Variants in AGAP1 observed in about 807,000 individuals in gnomAD.
AGAP1 encodes the protein ArfGAP with GTPase domain, ankyrin repeat and PH domain 1.
AGAP1 carries 29 observed loss-of-function variants against 105.3 expected under a neutral mutation model. The ratio of observed to expected loss-of-function variants is 0.28; its 90% CI spans 0.21 to 0.38. The LOEUF (loss-of-function observed/expected upper bound fraction) is 0.38, where lower values mean the gene tolerates loss of function less well. Ranked by LOEUF, AGAP1 falls within the 10% of genes least tolerant of loss-of-function variation. AGAP1 has a pLI of 1.00. For missense variants in AGAP1, 998 were observed against 1,165.1 expected, an observed-to-expected ratio of 0.86 and a Z score of 2.09; for synonymous variants, 509 against 485.9, an observed-to-expected ratio of 1.05 and a Z score of -0.63.
chr2:235,898,350 C>T (rs778243145), intron 10 of AGAP1, among the ~76,000 whole-genome samples: 5 of 151,220 alleles, frequency 3.3e-5, no homozygotes, highest in Middle Eastern at 3.4e-3. Flanking sequence ...CTTTTCCAGA[C>T]GGCATTTTGC....
In AGAP1 at chr2:235,934,157, C is replaced by G. The variant is rs1267838639; in HGVS notation, c.1483+3234C>G. Among the ~76,000 whole-genome samples the G allele has an allele frequency of 6.6e-6, 1 of 152,178 alleles. No individual in the cohort carries two copies. The highest frequency in any genetic ancestry group is 1.5e-5 in the Non-Finnish European group (1 of 68,038). On this transcript the variant is annotated intron_variant, in intron 12 of 17. Transcript: ENST00000304032. The surrounding 1 kb of genome is among the most constrained non-coding windows in gnomAD (Gnocchi z 4.9). ...GGGAACTGCTTAGAAATGTTGATCT[C>G]AGGCCCTGTCTCAGTCCCACTGAAT...
chr2:235,729,434 G>T lies in AGAP1; in HGVS notation c.311-11529G>T, dbSNP rs537763091. Among the ~76,000 whole-genome samples the T allele has an allele frequency of 2.6e-5, 4 of 152,234 alleles. No homozygotes were observed. In the South Asian group the frequency reaches 8.3e-4, roughly 32 times the overall value. On this transcript the variant is annotated intron_variant, in intron 3 of 17. Transcript: ENST00000304032. This position sits in a 1 kb window ranked among gnomAD's most constrained non-coding sequence, Gnocchi z 5.0. ...GCAGGAGGTTCCTGGAAGAACCACT[G>T]GGCCTTGCAGGGTCAGCTCAGCCTG...
chr2:236,085,142 G>T (rs895652465), intron 16 of AGAP1, among the ~76,000 whole-genome samples: 1 of 151,280 alleles, frequency 6.6e-6, no homozygotes, highest in African/African-American at 2.4e-5. Context: ...CGTGAACCCG[G>T]GAGGCGGAGG....
chr2:235,656,714 C>T (rs1363224898), intron 1 of AGAP1, among the ~76,000 whole-genome samples: 6 of 152,206 alleles, frequency 3.9e-5, no homozygotes, highest in East Asian at 1.9e-4. Flanking sequence ...TCCAAGTGTG[C>T]GCTCACCATT....
rs1004625214 is a variant in AGAP1, at chr2:235,551,750, A to G, written c.163+56901A>G. On this transcript the variant is annotated intron_variant, in intron 1 of 17. Transcript: ENST00000304032. The surrounding 1 kb of genome is among the most constrained non-coding windows in gnomAD (Gnocchi z 4.8). ...CTTTAGGGAAAGCAGGACAAACCCT[A>G]AAAGACTTTCTCTGAATGTTACCTT... Among the ~76,000 whole-genome samples the G allele has an allele frequency of 5.3e-5, 8 of 152,192 alleles. No homozygotes were observed. Among genetic ancestry groups the G allele is most frequent in the African/African-American group, 1.4e-4 (6 of 41,444 alleles).
chr2:235,810,994 G>A (rs1958109212), intron 9 of AGAP1, among the ~76,000 whole-genome samples: 1 of 152,104 alleles, frequency 6.6e-6, no homozygotes, highest in Admixed American at 6.6e-5. Context: ...CTTGATTGCA[G>A]TGGGAGTTAG....
At position 236,036,699 on chromosome 2, in the gene AGAP1, A is replaced by G. The variant is rs2057392915; in HGVS notation, c.1784A>G (p.Glu595Gly). Residue 595 changes from glutamate to glycine, a missense_variant, in exon 14 of 18, where the codon GAG becomes GGG. Physicochemically the swap from Glu to Gly is moderately conservative, Grantham distance 98. This residue lies in a region of AGAP1 where 735 missense variants were observed against 833.4 expected (regional missense o/e 0.88). Transcript: ENST00000304032. The surrounding 1 kb of genome is among the most constrained non-coding windows in gnomAD (Gnocchi z 5.7). ...ATCCTGGCCAGCCTGCAGTCGTGCG[A>G]GAGCAGCAAGAACAAGGTGAGGCCC... The part of the protein sequence containing the change: ...SQILASLQSC[E>G]SSKNKSRLTS... 1 of 1,614,210 alleles carries G rather than the reference A, an allele frequency of 6.2e-7. No homozygotes were observed. Among genetic ancestry groups the G allele is most frequent in the South Asian group, 1.1e-5 (1 of 91,082 alleles).
At chr2:235,587,273 T>G (rs1266375900) in intron 1 of AGAP1, among the ~76,000 whole-genome samples, 1 of 152,180 alleles carries the variant, frequency 6.6e-6, no homozygotes, top group Non-Finnish European at 1.5e-5. Context: ...TCCTGTCTTT[T>G]AAGCAGATGG....
At chr2:235,503,335 T>C (rs988366720) in intron 1 of AGAP1, among the ~76,000 whole-genome samples, 1 of 152,174 alleles carries the variant, frequency 6.6e-6, no homozygotes, top group Non-Finnish European at 1.5e-5. Context: ...GTTGTTGTTT[T>C]CGAAGGTCTG....
chr2:235,632,410 T>C (rs535999642), intron 1 of AGAP1, among the ~76,000 whole-genome samples: 22 of 152,256 alleles, frequency 1.4e-4, no homozygotes, highest in African/African-American at 5.3e-4. Context: ...TGCCTGTGTG[T>C]TCCTCCATGG....
chr2:235,670,529 G>T, intron 1 of AGAP1: 1 of 484,174 alleles, frequency 2.1e-6, no homozygotes, highest in Admixed American at 4.3e-5. Context: ...CGTGGAGGGG[G>T]CCCGGGCCGC....
chr2:235,815,557 C>T (rs768409171), intron 9 of AGAP1, among the ~76,000 whole-genome samples: 9 of 152,146 alleles, frequency 5.9e-5, no homozygotes, highest in Non-Finnish European at 1.3e-4. Flanking sequence ...GGGACGGGAG[C>T]TGAGCTCTGT....
intron 9 of AGAP1, among the ~76,000 whole-genome samples, chr2:235,819,307 GT>G (rs1337784968): frequency 1.3e-5 from 2 of 151,622 alleles, no homozygotes; most frequent in South Asian, 2.1e-4. Flanking sequence ...TAGAGATAGG[GT>G]TTTGCCATGT....
intron 6 of AGAP1, among the ~76,000 whole-genome samples, chr2:235,785,625 G>A (rs1403561874): frequency 6.6e-6 from 1 of 151,914 alleles, no homozygotes; most frequent in Non-Finnish European, 1.5e-5. Flanking sequence ...TTCTTTAGCT[G>A]GAATAATTTA....
intron 6 of AGAP1, among the ~76,000 whole-genome samples, chr2:235,772,643 C>T (rs551360304): frequency 1.3e-5 from 2 of 152,324 alleles, no homozygotes; most frequent in Admixed American, 6.5e-5. Flanking sequence ...CTGGGAATGC[C>T]TCTCATAGCT....
rs1445882273 is a variant in AGAP1, at chr2:236,040,851, T to G, written c.1891+10T>G. 1 of 1,613,918 alleles carries G rather than the reference T, an allele frequency of 6.2e-7. No individual in the cohort carries two copies. The highest frequency in any genetic ancestry group is 8.5e-7 in the Non-Finnish European group (1 of 1,179,932). ...GACTGCGAGACCCAGAGTAAGTGTG[T>G]GCGGTGGTAGCAGGGGCTGGCGCTG... is the stretch of plus-strand genomic sequence containing the variant. On this transcript the variant is annotated intron_variant, in intron 15 of 17. Coordinates refer to ENST00000304032, the MANE Select transcript of AGAP1 (RefSeq NM_001037131.3). This position sits in a 1 kb window ranked among gnomAD's most constrained non-coding sequence, Gnocchi z 5.6.
chr2:235,684,846 T>C (rs1949294246), intron 1 of AGAP1, among the ~76,000 whole-genome samples: 1 of 152,174 alleles, frequency 6.6e-6, no homozygotes, highest in African/African-American at 2.4e-5. Flanking sequence ...GGAGAGACTA[T>C]CTGGCATTAG....
At chr2:236,088,284 A>G (rs1280400760) in intron 16 of AGAP1, among the ~76,000 whole-genome samples, 1 of 152,232 alleles carries the variant, frequency 6.6e-6, no homozygotes, top group Non-Finnish European at 1.5e-5. Flanking sequence ...GTTTTCTCCT[A>G]CAATGCTTTG....
rs77409897 is a variant in AGAP1 at position 235,556,802 on chromosome 2, T to C, written c.163+61953T>C. Among the ~76,000 whole-genome samples, 1,889 of 152,344 alleles carry C rather than the reference T, an allele frequency of 0.012. 40 individuals are homozygous for C. Among genetic ancestry groups the C allele is most frequent in the African/African-American group, 0.042 (1,765 of 41,580 alleles). On this transcript the variant is annotated intron_variant, in intron 1 of 17. Transcript: ENST00000304032. The surrounding 1 kb of genome is among the most constrained non-coding windows in gnomAD (Gnocchi z 5.3). ...CGTTGCTTATTGTATATTTGAGAAG[T>C]GGCACTTATTTACCCTGGAGTGAAT...
Sources: allele counts gnomAD v4.1 joint callset (sites outside exome capture counted in the v4.1 genomes callset), GRCh38; gene constraint gnomAD v4.1.1; regional missense constraint gnomAD v4.1.1; non-coding constraint Gnocchi (gnomAD v3.1); transcripts MANE v1.5; gene names NCBI Gene and HGNC (gene_info 2026-07-23, HGNC 2026-07-21).